Variants in TAF15 observed in about 807,000 individuals in gnomAD.
TAF15 encodes TATA-binding protein-associated factor 2N.
TAF15 carries 37 observed loss-of-function variants against 102.5 expected under a neutral mutation model. The ratio of observed to expected loss-of-function variants is 0.36; its 90% confidence interval spans 0.28 to 0.47. The LOEUF is 0.47. Among genes scored for constraint, TAF15 ranks in the 20% least tolerant of loss-of-function variants. TAF15 has a pLI of 0.99. For missense variants in TAF15, 652 were observed against 760.7 expected, an observed-to-expected ratio of 0.86 and a Z score of 1.68; for synonymous variants, 273 against 259.2, an observed-to-expected ratio of 1.05 and a Z score of -0.51.
At chr17:35,817,945 CAG>C (rs1005122275) in intron 2 of TAF15, among the ~76,000 whole-genome samples, 190 bp downstream of exon 2, 1 of 152,098 alleles carries the variant, frequency 6.6e-6, no homozygotes. Flanking sequence ...TGTTTTGAGA[CAG>C]AGTCTTGCTG....
chr17:35,814,526 G>A (rs1235294872), intron 1 of TAF15, among the ~76,000 whole-genome samples: 1 of 151,526 alleles, frequency 6.6e-6, no homozygotes, highest in African/African-American at 2.4e-5. Context: ...AATGTTAAAA[G>A]GAAATCACCA....
At chr17:35,827,250 GGT>G in intron 7 of TAF15, among the ~76,000 whole-genome samples, 1 of 151,614 alleles carries the variant, frequency 6.6e-6, no homozygotes, top group Admixed American at 6.6e-5. Context: ...GGAGGAGAAT[GGT>G]GTGAACCCAG....
chr17:35,833,968 T>A, intron 8 of TAF15, 27 bp downstream of exon 8: 3 of 1,613,056 alleles, frequency 1.9e-6, no homozygotes, highest in Non-Finnish European at 2.5e-6. Context: ...CCAAAATGTT[T>A]CAGTGGAAAT....
chr17:35,823,590 A>G, intron 6 of TAF15: 1 of 175,562 alleles, frequency 5.7e-6, no homozygotes, highest in Non-Finnish European at 1.2e-5. Flanking sequence ...CTGTAGTCCC[A>G]GCTACTCGGG....
intron 7 of TAF15, 149 bp from the exon 8 acceptor site, chr17:35,833,758 A>C: frequency 1.4e-6 from 1 of 732,040 alleles, no homozygotes; most frequent in Non-Finnish European, 2.4e-6. Context: ...CAACATTTAG[A>C]ACTCTGTGAA....
intron 11 of TAF15, 58 bp downstream of exon 11, chr17:35,838,611 A>G (rs2087504142): frequency 3.1e-6 from 5 of 1,611,536 alleles, no homozygotes; most frequent in Non-Finnish European, 4.2e-6. Context: ...TCTAGTCTGA[A>G]AGTGAGAATA....
In TAF15 at chr17:35,838,429, TAAG is replaced by T; in HGVS notation, c.794_796del (p.Lys265del). ...GTGTTTCTGTTTTTCCTCAGACAAA[TAAG>T]AAGACCGGAAAACCAATGATAAATC... On this transcript the variant is annotated inframe_deletion, in exon 11 of 16. Transcript: ENST00000605844. 2.5e-6 allele frequency: 4 copies of T among 1,614,094 alleles called. No homozygotes were observed. Among genetic ancestry groups the T allele is most frequent in the Non-Finnish European group, 3.4e-6 (4 of 1,180,014 alleles).
chr17:35,828,732 G>A (rs1474279951), intron 7 of TAF15, among the ~76,000 whole-genome samples: 1 of 149,944 alleles, frequency 6.7e-6, no homozygotes, highest in Admixed American at 6.7e-5. Flanking sequence ...ATAGTGAGTC[G>A]GTCAAATTCC....
chr17:35,842,856 C>A (rs2087564511), intron 12 of TAF15, among the ~76,000 whole-genome samples: 1 of 152,040 alleles, frequency 6.6e-6, no homozygotes, highest in African/African-American at 2.4e-5. Flanking sequence ...CCTCAGCCTC[C>A]CAACTAGCTG....
Position 35,844,829 on chromosome 17 carries a change from A to G in TAF15, c.1530A>G (p.Gly510=). ...GAGGAGATCGAGGAGGTTACGGAGG[A>G]GATCGAGGAGGTTATGGAGGAGATC... is the stretch of plus-strand genomic sequence containing the variant. The part of the protein sequence containing the change: ...GYGGDRGGYG[G]DRGGYGGDRG... The change falls in exon 15 of 16, where the codon GGA becomes GGG. Residue 510 remains glycine, a synonymous_variant. Transcript: ENST00000605844. The G allele has an allele frequency of 6.2e-7, 1 of 1,600,750 alleles. No individual in the cohort carries two copies. Among genetic ancestry groups the G allele is most frequent in the East Asian group, 2.2e-5 (1 of 44,728 alleles).
intron 1 of TAF15, among the ~76,000 whole-genome samples, chr17:35,815,544 T>C (rs1157394531): frequency 6.6e-6 from 1 of 152,170 alleles, no homozygotes; most frequent in Non-Finnish European, 1.5e-5. Flanking sequence ...TGAGATAGGG[T>C]TACAGGACCT....
chr17:35,846,970 C>T lies in TAF15; in HGVS notation c.*25C>T. On this transcript the variant is annotated 3_prime_UTR_variant, in exon 16 of 16. Coordinates refer to ENST00000605844, the MANE Select transcript of TAF15 (RefSeq NM_139215.3). The stretch of plus-strand genomic sequence containing the variant: ...ATGACTGTTTTGAATGTTCCTTTGT[C>T]TCTGACATGATCCATAGTGAAATTG... 6.2e-7 allele frequency: 1 copy of T among 1,613,828 alleles called. No homozygotes were observed. Among genetic ancestry groups the T allele is most frequent in the Non-Finnish European group, 8.5e-7 (1 of 1,179,882 alleles).
At position 35,824,481 on chromosome 17, in the gene TAF15, G is replaced by A. The variant is rs138496097; in HGVS notation, c.605+283G>A. Among the ~76,000 whole-genome samples, 232 of 152,216 alleles carry A rather than the reference G, an allele frequency of 1.5e-3. 1 individual carries two copies. Among genetic ancestry groups the A allele is most frequent in the African/African-American group, 5.4e-3 (225 of 41,520 alleles). On this transcript the variant is annotated intron_variant, in intron 7 of 15. Transcript: ENST00000605844. Reference sequence around the variant, plus strand: ...TGTGATTAAATCACTTGACTTTCCTGCCAGAGCTAGAATCTTAACTCCTTT... The same window carrying A: ...TGTGATTAAATCACTTGACTTTCCTACCAGAGCTAGAATCTTAACTCCTTT...
intron 15 of TAF15, 79 bp downstream of exon 15, chr17:35,845,117 T>G: frequency 6.3e-7 from 1 of 1,578,928 alleles, no homozygotes; most frequent in Non-Finnish European, 8.7e-7. Flanking sequence ...TTTTAACAAT[T>G]TTTTGGAACT....
rs35144875 is a variant in TAF15 at position 35,836,784 on chromosome 17, C to CTT, written c.783+554_783+555dup. Among the ~76,000 whole-genome samples, 10 of 145,850 alleles carry CTT rather than the reference C, an allele frequency of 6.9e-5. 1 individual carries two copies. Among genetic ancestry groups the CTT allele is most frequent in the African/African-American group, 2.0e-4 (8 of 39,958 alleles). On this transcript the variant is annotated intron_variant, in intron 10 of 15. Transcript: ENST00000605844. ...TTGTTTTGGTGTCTGTGGAATTACTCTTTTTTTTTTTTGAGACAGAATCTC... is the reference window on the plus strand; with the variant it reads ...TTGTTTTGGTGTCTGTGGAATTACTCTTTTTTTTTTTTTTGAGACAGAATCTC...
chr17:35,833,623 T>C (rs1382552547), intron 7 of TAF15: 2 of 319,662 alleles, frequency 6.3e-6, no homozygotes, highest in Non-Finnish European at 1.2e-5. Context: ...CTTTATGTTA[T>C]GGTTTAATAG....
chr17:35,822,424 AT>A (rs892958843), intron 5 of TAF15, among the ~76,000 whole-genome samples: 7 of 151,680 alleles, frequency 4.6e-5, no homozygotes, highest in African/African-American at 9.7e-5. Context: ...TCAAAGATAC[AT>A]TTTTTTTCAT....
At position 35,823,653 on chromosome 17, in the gene TAF15, C is replaced by G. The variant is rs372635210; in HGVS notation, c.485-425C>G. 11 of 199,912 alleles carry G rather than the reference C, an allele frequency of 5.5e-5. No individual in the cohort carries two copies. The South Asian group carries it at 7.9e-4, about 14-fold the overall frequency. The allele number at this position is 199,912 out of a possible 1,614,324, so 12.4% of individuals were successfully genotyped here. A position where few individuals can be genotyped will look rare whatever the true frequency, so the allele number is the denominator to read the frequency against. ...CTGGGAGGCAGAGCTTGCAGTGAGC[C>G]GAGATTGCATCAGTGCACTCCAGCC... On this transcript the variant is annotated intron_variant, in intron 6 of 15. Coordinates refer to ENST00000605844, the MANE Select transcript of TAF15 (RefSeq NM_139215.3).
At chr17:35,824,478 C>T (rs778199802) in intron 7 of TAF15, among the ~76,000 whole-genome samples, 4 of 152,152 alleles carry the variant, frequency 2.6e-5, no homozygotes. Context: ...ACTTGACTTT[C>T]CTGCCAGAGC....
Sources: gnomAD v4.1 joint callset for allele counts (sites outside exome capture counted in the v4.1 genomes callset) on GRCh38, gnomAD v4.1.1 for gene constraint, MANE v1.5 for transcripts, NCBI Gene and HGNC (gene_info 2026-07-23, HGNC 2026-07-21) for gene names.